CCBE1: variants seen among roughly 807,000 people sequenced by gnomAD.
The protein encoded by CCBE1 is collagen and calcium-binding EGF domain-containing protein 1.
A neutral mutation model predicts 50.0 loss-of-function variants in CCBE1; 37 were observed. The observed-to-expected ratio is 0.74, with a 90% confidence interval of 0.57 to 0.97. The LOEUF (loss-of-function observed/expected upper bound fraction) is 0.97. Ranked by LOEUF, CCBE1 falls within the 50% of genes least tolerant of loss-of-function variation. The pLI is 0.00. For missense variants in CCBE1, 538 were observed against 523.8 expected (o/e 1.03, Z -0.26); for synonymous variants, 234 against 203.7 (o/e 1.15, Z -1.27).
intron 2 of CCBE1, among the ~76,000 whole-genome samples, chr18:59,496,151 C>T (rs35553837): frequency 0.022 from 3,304 of 152,236 alleles, 145 homozygotes; most frequent in East Asian, 0.21. Flanking sequence ...ATTACAGCTT[C>T]AGTCTCTGTG....
chr18:59,591,273 A>G (rs1305220533), intron 2 of CCBE1, among the ~76,000 whole-genome samples: 3 of 29,940 alleles, frequency 1.0e-4, no homozygotes, highest in Non-Finnish European at 1.5e-4. Flanking sequence ...AAAAAAAAAA[A>G]AAAAAAAAAA....
chr18:59,643,677 C>G (rs1473598430), intron 2 of CCBE1, among the ~76,000 whole-genome samples: 1 of 152,066 alleles, frequency 6.6e-6, no homozygotes, highest in Non-Finnish European at 1.5e-5. Context: ...AAAAATTAGC[C>G]AAGTGTGGGG....
At chr18:59,489,987 G>GTTTTTTTT (rs199609938) in intron 2 of CCBE1, among the ~76,000 whole-genome samples, 1 of 122,238 alleles carries the variant, frequency 8.2e-6, no homozygotes, top group Non-Finnish European at 1.6e-5. Context: ...CGCATAAGGA[G>GTTTTTTTT]TTTTTTTTTT....
intron 3 of CCBE1, among the ~76,000 whole-genome samples, chr18:59,477,536 CTCTGTG>C (rs1912366204): frequency 1.3e-5 from 1 of 77,862 alleles, no homozygotes; most frequent in African/African-American, 5.7e-5. Flanking sequence ...ATTTCCATGT[CTCTGTG>C]TGTGTGTGTG....
chr18:59,456,129 C>T (rs1392235916), intron 5 of CCBE1, among the ~76,000 whole-genome samples: 1 of 152,166 alleles, frequency 6.6e-6, no homozygotes, highest in African/African-American at 2.4e-5. Context: ...CAGCATTTAC[C>T]GTGTGTCCCT....
chr18:59,526,290 G>A (rs189094886), intron 2 of CCBE1, among the ~76,000 whole-genome samples: 12 of 147,596 alleles, frequency 8.1e-5, no homozygotes, highest in African/African-American at 2.5e-4. Context: ...TAGTTGTGAT[G>A]TTAGGATGCT....
At chr18:59,505,713 A>G (rs558196647) in intron 2 of CCBE1, among the ~76,000 whole-genome samples, 1 of 152,356 alleles carries the variant, frequency 6.6e-6, no homozygotes, top group South Asian at 2.1e-4. Flanking sequence ...AATTTAGGCT[A>G]AAGAGCTTCT....
At chr18:59,612,963 AC>A (rs1443826015) in intron 2 of CCBE1, among the ~76,000 whole-genome samples, 1 of 151,768 alleles carries the variant, frequency 6.6e-6, no homozygotes, top group Non-Finnish European at 1.5e-5. Flanking sequence ...AGTATTAGAG[AC>A]TGTGAAGAGA....
At chr18:59,488,556 C>A (rs760471304) in intron 2 of CCBE1, among the ~76,000 whole-genome samples, 1 of 152,090 alleles carries the variant, frequency 6.6e-6, no homozygotes, top group Non-Finnish European at 1.5e-5. Context: ...AGGCCGCAAG[C>A]GATGATCTTT....
chr18:59,518,295 C>G (rs1914459827), intron 2 of CCBE1, among the ~76,000 whole-genome samples: 1 of 152,116 alleles, frequency 6.6e-6, no homozygotes, highest in South Asian at 2.1e-4. Context: ...TCAAGACCAG[C>G]CTGGCCAACC....
intron 2 of CCBE1, among the ~76,000 whole-genome samples, chr18:59,623,789 G>T (rs530466286): frequency 6.6e-6 from 1 of 152,062 alleles, no homozygotes; most frequent in Non-Finnish European, 1.5e-5. Context: ...TTGAAAACAC[G>T]GCTGCTTTGT....
intron 2 of CCBE1, among the ~76,000 whole-genome samples, chr18:59,663,334 C>T (rs2054310762): frequency 1.3e-5 from 2 of 152,174 alleles, no homozygotes; most frequent in Non-Finnish European, 2.9e-5. Context: ...CCTGGAATAG[C>T]TGGAAGGACA....
At chr18:59,458,134 A>G (rs1183607164) in intron 5 of CCBE1, among the ~76,000 whole-genome samples, 1 of 150,894 alleles carries the variant, frequency 6.6e-6, no homozygotes, top group Non-Finnish European at 1.5e-5. Flanking sequence ...CCATCCATCC[A>G]TCCATCCATC....
At chr18:59,587,222 C>A (rs1402338762) in intron 2 of CCBE1, among the ~76,000 whole-genome samples, 1 of 152,180 alleles carries the variant, frequency 6.6e-6, no homozygotes, top group African/African-American at 2.4e-5. Context: ...GGAAGCTAAT[C>A]TCAGTCATGA....
intron 2 of CCBE1, among the ~76,000 whole-genome samples, chr18:59,561,539 G>A (rs1313704954): frequency 1.3e-5 from 2 of 152,192 alleles, no homozygotes; most frequent in Non-Finnish European, 2.9e-5. Flanking sequence ...AACATGGGAA[G>A]GCCATCCCTT....
intron 2 of CCBE1, among the ~76,000 whole-genome samples, chr18:59,551,051 A>C (rs1415282213): frequency 2.0e-5 from 3 of 151,202 alleles, no homozygotes; most frequent in Non-Finnish European, 4.4e-5. Context: ...AAAAGAAAAA[A>C]AAGAAAAAAG....
intron 2 of CCBE1, among the ~76,000 whole-genome samples, chr18:59,540,879 T>A (rs1915439834): frequency 6.6e-6 from 1 of 152,214 alleles, no homozygotes; most frequent in African/African-American, 2.4e-5. Context: ...CCAAAAATCA[T>A]GATAGAGACC....
At chr18:59,571,690 A>T (rs1227954567) in intron 2 of CCBE1, among the ~76,000 whole-genome samples, 2 of 152,250 alleles carry the variant, frequency 1.3e-5, no homozygotes, top group African/African-American at 4.8e-5. Context: ...GAATAAACAT[A>T]TGGATGAAAT....
intron 2 of CCBE1, among the ~76,000 whole-genome samples, chr18:59,631,851 G>A (rs2053853196): frequency 6.6e-6 from 1 of 152,190 alleles, no homozygotes; most frequent in Non-Finnish European, 1.5e-5. Flanking sequence ...CGAAGTACTG[G>A]TGGTTTGGAT....
Sources: gnomAD v4.1 joint callset for allele counts (sites outside exome capture counted in the v4.1 genomes callset) on GRCh38, gnomAD v4.1.1 for gene constraint, MANE v1.5 for transcripts, NCBI Gene and HGNC (gene_info 2026-07-23, HGNC 2026-07-21) for gene names.